The following CNTNAP5 variants were observed in gnomAD, a reference collection of about 807,000 sequenced individuals.
CNTNAP5 encodes contactin associated protein family member 5, also known as contactin-associated protein-like 5.
CNTNAP5 carries 72 observed loss-of-function variants against 150.2 expected under a neutral mutation model. The observed-to-expected ratio is 0.48, with a 90% CI of 0.40 to 0.58. The LOEUF (loss-of-function observed/expected upper bound fraction) is 0.58, where lower values mean the gene tolerates loss of function less well. CNTNAP5 is among the 20% of genes least tolerant of loss of function. CNTNAP5 has a pLI of 0.00. For missense variants in CNTNAP5, 1,636 were observed against 1,626.2 expected, an observed-to-expected ratio of 1.01 and a Z score of -0.10; for synonymous variants, 672 against 619.8, an observed-to-expected ratio of 1.08 and a Z score of -1.25.
At chr2:124,485,632 A>AAAAAG (rs1553472353) in intron 7 of CNTNAP5, among the ~76,000 whole-genome samples, 1 of 125,376 alleles carries the variant, frequency 8.0e-6, no homozygotes, top group Non-Finnish European at 1.6e-5. Context: ...AAAAAAAAAA[A>AAAAAG]AAGAAGAAGG....
intron 13 of CNTNAP5, among the ~76,000 whole-genome samples, chr2:124,673,500 G>A (rs545413570): frequency 8.7e-5 from 13 of 149,102 alleles, no homozygotes; most frequent in South Asian, 2.1e-4. Context: ...GATAACTTAC[G>A]TTTCTTGAAG....
Position 124,581,495 on chromosome 2 carries a change from A to G in CNTNAP5, c.1756+18172A>G, listed in dbSNP as rs1696411387. Among the ~76,000 whole-genome samples the G allele has an allele frequency of 2.6e-5, 4 of 152,226 alleles. No homozygotes were observed. In the South Asian group the frequency reaches 8.3e-4, roughly 31 times the overall value. On this transcript the variant is annotated intron_variant, in intron 11 of 23. Coordinates refer to ENST00000682447, the MANE Select transcript of CNTNAP5 (RefSeq NM_001367498.1). ...ATTTTCAATTTTCTAGCACGACAACATAAAACAATCTCATTAAGGACTTTG... is the reference window on the plus strand; with the variant it reads ...ATTTTCAATTTTCTAGCACGACAACGTAAAACAATCTCATTAAGGACTTTG...
chr2:124,118,041 C>G (rs1683470033), intron 1 of CNTNAP5, among the ~76,000 whole-genome samples: 1 of 152,150 alleles, frequency 6.6e-6, no homozygotes. Context: ...GGAATTCTTA[C>G]ATGCAGTAAA....
chr2:124,705,711 A>G (rs1679622858), intron 13 of CNTNAP5, among the ~76,000 whole-genome samples: 1 of 152,040 alleles, frequency 6.6e-6, no homozygotes, highest in Non-Finnish European at 1.5e-5. Context: ...GAGTATGAAT[A>G]GCATAAAAAT....
intron 2 of CNTNAP5, among the ~76,000 whole-genome samples, chr2:124,234,063 A>G (rs1019612536): frequency 2.0e-5 from 3 of 152,150 alleles, no homozygotes; most frequent in Non-Finnish European, 4.4e-5. Context: ...TGCAGTTTCA[A>G]ATCACTTCCA....
At chr2:124,749,646 C>T (rs1367609988) in intron 14 of CNTNAP5, among the ~76,000 whole-genome samples, 3 of 152,124 alleles carry the variant, frequency 2.0e-5, no homozygotes, top group Admixed American at 6.6e-5. Flanking sequence ...GAGCTCCTGA[C>T]CTCATGATTC....
intron 13 of CNTNAP5, among the ~76,000 whole-genome samples, chr2:124,651,067 G>A (rs534075638): frequency 7.2e-5 from 11 of 152,250 alleles, no homozygotes; most frequent in African/African-American, 9.6e-5. Flanking sequence ...CTGAGTGCCC[G>A]TTTCCCAGCG....
At chr2:124,417,229 C>A (rs940773364) in intron 3 of CNTNAP5, among the ~76,000 whole-genome samples, 18 of 152,070 alleles carry the variant, frequency 1.2e-4, no homozygotes, top group African/African-American at 4.1e-4. Flanking sequence ...TGAGCCACTT[C>A]ACACAGCCTA....
At chr2:124,284,711 A>G (rs773446209) in intron 3 of CNTNAP5, among the ~76,000 whole-genome samples, 16 of 152,188 alleles carry the variant, frequency 1.1e-4, no homozygotes, top group Admixed American at 2.6e-4. Flanking sequence ...AATAGAGACT[A>G]AACTCACAGC....
At chr2:124,045,268 C>T (rs1681497842) in intron 1 of CNTNAP5, among the ~76,000 whole-genome samples, 1 of 148,862 alleles carries the variant, frequency 6.7e-6, no homozygotes, top group Non-Finnish European at 1.5e-5. Flanking sequence ...TGTCTTTCGC[C>T]AAACTTTGAT....
intron 3 of CNTNAP5, among the ~76,000 whole-genome samples, chr2:124,327,877 G>A (rs902847741): frequency 3.9e-5 from 6 of 152,186 alleles, no homozygotes; most frequent in Admixed American, 2.0e-4. Flanking sequence ...CTGTGTTAAG[G>A]ACCTATCCTT....
At chr2:124,155,604 C>G (rs1020882362) in intron 1 of CNTNAP5, among the ~76,000 whole-genome samples, 3 of 152,140 alleles carry the variant, frequency 2.0e-5, no homozygotes, top group Admixed American at 1.3e-4. Flanking sequence ...AATTTGTTTT[C>G]TTAAACAGCA....
chr2:124,706,943 G>GAAGAAGAAGAAGAAGT, intron 13 of CNTNAP5, among the ~76,000 whole-genome samples: 1 of 75,218 alleles, frequency 1.3e-5, no homozygotes, highest in African/African-American at 5.1e-5. Flanking sequence ...GAAGAAGAAG[G>GAAGAAGAAGAAGAAGT]AGGAGGAGGA....
At chr2:124,503,070 G>C (rs568480196) in intron 7 of CNTNAP5, among the ~76,000 whole-genome samples, 1 of 152,238 alleles carries the variant, frequency 6.6e-6, no homozygotes, top group East Asian at 1.9e-4. Flanking sequence ...ATTGCTTGAC[G>C]GATATCAAGG....
At chr2:124,113,297 T>G (rs190732148) in intron 1 of CNTNAP5, among the ~76,000 whole-genome samples, 1 of 152,276 alleles carries the variant, frequency 6.6e-6, no homozygotes, top group East Asian at 1.9e-4. Context: ...ATAATTCCTT[T>G]AAAGTTTTTT....
chr2:124,358,620 A>G (rs1690096740), intron 3 of CNTNAP5, among the ~76,000 whole-genome samples: 3 of 152,182 alleles, frequency 2.0e-5, no homozygotes, highest in Admixed American at 1.3e-4. Context: ...TGATTTGCAT[A>G]TATTGAACCA....
intron 18 of CNTNAP5, among the ~76,000 whole-genome samples, chr2:124,793,374 A>T (rs971221143): frequency 1.3e-5 from 2 of 151,918 alleles, no homozygotes; most frequent in African/African-American, 4.8e-5. Context: ...TAGATTTTAA[A>T]TTTTTCTTCT....
chr2:124,025,690 C>T lies in CNTNAP5; in HGVS notation c.40C>T (p.Leu14=). Residue 14 remains leucine (L), a synonymous_variant, in exon 1 of 24, where the codon CTG becomes TTG. Transcript: ENST00000682447. ...LPRLTSVLTL[L]FSGLWHLGLT... ...ACGGCTGACCAGCGTTTTGACTTTG[C>T]TGTTCTCTGGCTTGTGGCATTTAGG... is the stretch of plus-strand genomic sequence containing the variant. 1 of 1,613,862 alleles carries T rather than the reference C, an allele frequency of 6.2e-7. No individual in the cohort carries two copies. Among genetic ancestry groups the T allele is most frequent in the Non-Finnish European group, 8.5e-7 (1 of 1,179,852 alleles).
chr2:124,305,225 C>T (rs1688658202), intron 3 of CNTNAP5, among the ~76,000 whole-genome samples: 1 of 149,392 alleles, frequency 6.7e-6, no homozygotes, highest in South Asian at 2.1e-4. Context: ...CTGTAGTAAG[C>T]TGAGATTGCA....
Sources: allele counts gnomAD v4.1 joint callset (sites outside exome capture counted in the v4.1 genomes callset), GRCh38; gene constraint gnomAD v4.1.1; transcripts MANE v1.5; gene names NCBI Gene and HGNC (gene_info 2026-07-23, HGNC 2026-07-21).